PPP1R9A: variants seen among roughly 807,000 people sequenced by gnomAD.
PPP1R9A encodes protein phosphatase 1 regulatory subunit 9A.
PPP1R9A carries 59 observed loss-of-function variants against 141.9 expected under a neutral mutation model. That is an observed-to-expected ratio of 0.42 (90% CI 0.34 to 0.52). The LOEUF (loss-of-function observed/expected upper bound fraction) is 0.52, where lower values mean the gene tolerates loss of function less well. Ranked by LOEUF, PPP1R9A falls within the 20% of genes least tolerant of loss-of-function variation. The pLI, the probability that PPP1R9A is intolerant of heterozygous loss-of-function variation, is 0.10. For synonymous variants in PPP1R9A, 500 were observed against 569.7 expected, an observed-to-expected ratio of 0.88 and a Z score of 1.74; for missense variants, 1,444 against 1,611.9, an observed-to-expected ratio of 0.90 and a Z score of 1.78.
chr7:95,232,029 T>G (rs980969748), intron 8 of PPP1R9A, among the ~76,000 whole-genome samples: 1 of 152,070 alleles, frequency 6.6e-6, no homozygotes, highest in East Asian at 1.9e-4. Context: ...AAGATCCAGA[T>G]AAGCTCAGTT....
chr7:95,054,495 T>C (rs1428842050), intron 2 of PPP1R9A, among the ~76,000 whole-genome samples: 3 of 152,112 alleles, frequency 2.0e-5, no homozygotes, highest in Non-Finnish European at 4.4e-5. Flanking sequence ...TAATTTATCA[T>C]TGAAATTAGA....
At position 94,911,274 on chromosome 7, in the gene PPP1R9A, A is replaced by T; in HGVS notation, c.1161A>T (p.Ser387=). Residue 387 remains serine, a synonymous_variant, in exon 2 of 20, where the codon TCA becomes TCT. Coordinates refer to ENST00000433360, the MANE Select transcript of PPP1R9A (RefSeq NM_001166160.2). ...SSCGKEVPED[S]NNFDGSHVYM... ...GTGGAAAAGAAGTACCTGAAGATTC[A>T]AATAATTTTGATGGTTCCCATGTGT... 1 of 1,614,154 alleles carries T rather than the reference A, an allele frequency of 6.2e-7. No homozygotes were observed.
rs772641850 is a variant in PPP1R9A at position 95,247,544 on chromosome 7, G to T, written c.2166+18G>T. 13 of 1,587,908 alleles carry T rather than the reference G, an allele frequency of 8.2e-6. No individual in the cohort carries two copies. In the South Asian group the frequency reaches 1.5e-4, roughly 18 times the overall value. On this transcript the variant is annotated intron_variant, in intron 9 of 19. Transcript: ENST00000433360. Reference sequence around the variant, plus strand: ...AGACCAAGGTAAGCACCGAAACATGGTGTTTGAATTTTACTTTTTAAACTT... The same window carrying T: ...AGACCAAGGTAAGCACCGAAACATGTTGTTTGAATTTTACTTTTTAAACTT...
intron 8 of PPP1R9A, among the ~76,000 whole-genome samples, chr7:95,238,965 A>G (rs1168030650): frequency 2.0e-5 from 3 of 152,082 alleles, no homozygotes; most frequent in African/African-American, 7.2e-5. Flanking sequence ...GACTTGAACA[A>G]TTGGGGAAAC....
At chr7:94,965,784 A>G (rs1486734941) in intron 2 of PPP1R9A, among the ~76,000 whole-genome samples, 1 of 150,486 alleles carries the variant, frequency 6.6e-6, no homozygotes, top group East Asian at 1.9e-4. Context: ...TTTGCTTAGG[A>G]TTGTCTTGGC....
At chr7:95,092,423 G>A (rs1185026812) in intron 2 of PPP1R9A, among the ~76,000 whole-genome samples, 1 of 149,118 alleles carries the variant, frequency 6.7e-6, no homozygotes, top group South Asian at 2.1e-4. Flanking sequence ...CCAGAATCTT[G>A]GATGCCCTAA....
chr7:95,065,597 G>A (rs186249495), intron 2 of PPP1R9A, among the ~76,000 whole-genome samples: 10 of 152,134 alleles, frequency 6.6e-5, no homozygotes, highest in Middle Eastern at 3.4e-3. Context: ...GTTGTGACTG[G>A]AGTCATCACT....
At chr7:95,230,528 C>A (rs1388526181) in intron 8 of PPP1R9A, among the ~76,000 whole-genome samples, 1 of 151,950 alleles carries the variant, frequency 6.6e-6, no homozygotes, top group Non-Finnish European at 1.5e-5. Context: ...TGGAAGGTCT[C>A]AGCAGTAGAA....
intron 5 of PPP1R9A, among the ~76,000 whole-genome samples, chr7:95,186,207 A>G (rs1834624084): frequency 6.6e-6 from 1 of 152,016 alleles, no homozygotes; most frequent in African/African-American, 2.4e-5. Context: ...TCCTTCAGCA[A>G]CGTTTTGTAG....
intron 2 of PPP1R9A, among the ~76,000 whole-genome samples, chr7:95,049,675 C>T (rs1175169004): frequency 6.6e-6 from 1 of 152,064 alleles, no homozygotes; most frequent in Non-Finnish European, 1.5e-5. Context: ...ATCCACTGTG[C>T]TCTGCCAATT....
intron 2 of PPP1R9A, among the ~76,000 whole-genome samples, chr7:94,993,284 A>G (rs1215018345): frequency 1.3e-5 from 2 of 152,128 alleles, no homozygotes; most frequent in Admixed American, 6.5e-5. Flanking sequence ...TGTTGATGCC[A>G]GTACCACATT....
intron 2 of PPP1R9A, among the ~76,000 whole-genome samples, chr7:95,041,610 A>G (rs1809252978): frequency 6.6e-6 from 1 of 152,004 alleles, no homozygotes; most frequent in African/African-American, 2.4e-5. Flanking sequence ...TAATGTTCCT[A>G]TTGCAAAGGC....
At chr7:94,909,437 T>C (rs1007094594) in intron 1 of PPP1R9A, among the ~76,000 whole-genome samples, 2 of 152,238 alleles carry the variant, frequency 1.3e-5, no homozygotes, top group African/African-American at 4.8e-5. Flanking sequence ...TTTGTAAACA[T>C]AGATTCCAAA....
At chr7:95,082,766 C>CTT (rs1159814204) in intron 2 of PPP1R9A, among the ~76,000 whole-genome samples, 206 of 109,460 alleles carry the variant, frequency 1.9e-3, no homozygotes, top group Non-Finnish European at 2.8e-3. Context: ...GAAGGGATTT[C>CTT]TTTTTTTTTT....
chr7:95,032,412 T>C (rs1807818536), intron 2 of PPP1R9A, among the ~76,000 whole-genome samples: 1 of 152,154 alleles, frequency 6.6e-6, no homozygotes, highest in Non-Finnish European at 1.5e-5. Context: ...GCAAGCTCAC[T>C]ATTCAGGAAG....
chr7:95,070,180 C>A (rs926665285), intron 2 of PPP1R9A, among the ~76,000 whole-genome samples: 2 of 151,984 alleles, frequency 1.3e-5, no homozygotes, highest in Non-Finnish European at 2.9e-5. Flanking sequence ...TGTAACATTC[C>A]AGTGGCACCT....
At chr7:95,073,617 G>T (rs12333766) in intron 2 of PPP1R9A, among the ~76,000 whole-genome samples, 10,832 of 131,970 alleles carry the variant, frequency 0.082, 552 homozygotes, top group African/African-American at 0.14. Flanking sequence ...ATACCTGAAA[G>T]AAATAAGTTT....
chr7:95,124,055 A>G (rs1377973150), intron 4 of PPP1R9A, among the ~76,000 whole-genome samples: 1 of 152,206 alleles, frequency 6.6e-6, no homozygotes, highest in East Asian at 1.9e-4. Context: ...GGGTGGTTGT[A>G]TATGTGCATA....
At chr7:95,089,967 G>A (rs1288892656) in intron 2 of PPP1R9A, among the ~76,000 whole-genome samples, 1 of 151,886 alleles carries the variant, frequency 6.6e-6, no homozygotes, top group Non-Finnish European at 1.5e-5. Context: ...ATGAGCAGTA[G>A]TTTTCCAGAC....
Sources: allele counts gnomAD v4.1 joint callset (sites outside exome capture counted in the v4.1 genomes callset), GRCh38; gene constraint gnomAD v4.1.1; transcripts MANE v1.5; gene names NCBI Gene and HGNC (gene_info 2026-07-23, HGNC 2026-07-21).